CFAP54: variants seen among roughly 807,000 people sequenced by gnomAD.
The protein encoded by CFAP54 is cilia and flagella associated protein 54, also known as cilia- and flagella-associated protein 54.
Under a neutral mutation model 370.4 loss-of-function variants are expected in CFAP54, and 290 were observed. The observed-to-expected ratio is 0.78, with a 90% CI of 0.71 to 0.86. The LOEUF (loss-of-function observed/expected upper bound fraction) is 0.86, where lower values mean the gene tolerates loss of function less well. CFAP54 is among the 40% of genes least tolerant of loss of function. The pLI is 0.00. For synonymous variants in CFAP54, 1,206 were observed against 1,236.5 expected (o/e 0.98, Z 0.52); for missense variants, 3,399 against 3,528.7 (o/e 0.96, Z 0.93).
chr12:96,520,858 C>G (rs1832683143), intron 6 of CFAP54, among the ~76,000 whole-genome samples: 1 of 152,234 alleles, frequency 6.6e-6, no homozygotes, highest in African/African-American at 2.4e-5. Flanking sequence ...GGCCAATTCA[C>G]AATTCCATTT....
intron 9 of CFAP54, among the ~76,000 whole-genome samples, chr12:96,528,953 A>C (rs1301285511): frequency 6.6e-6 from 1 of 152,162 alleles, no homozygotes; most frequent in African/African-American, 2.4e-5. Flanking sequence ...ATGTATCTGA[A>C]GTTTTGATAT....
In CFAP54 at chr12:96,538,465, A is replaced by G; in HGVS notation, c.1873A>G (p.Asn625Asp). 1 of 1,536,162 alleles carries G rather than the reference A, an allele frequency of 6.5e-7. No homozygotes were observed. The highest frequency in any genetic ancestry group is 8.7e-7 in the Non-Finnish European group (1 of 1,146,832). Residue 625 changes from asparagine to aspartate, a missense_variant, in exon 13 of 68, where the codon AAT becomes GAT. Transcript: ENST00000524981. ...ATGCAAATTAGGAATTCAGCGGCTCAATATATCCAGAAATGACTATGCAAA... is the reference window on the plus strand; with the variant it reads ...ATGCAAATTAGGAATTCAGCGGCTCGATATATCCAGAAATGACTATGCAAA... ...QKCKLGIQRLNISRNDYAKFT... is the reference protein window; with the variant it reads ...QKCKLGIQRLDISRNDYAKFT...
chr12:96,539,531 T>C (rs1489157253), intron 13 of CFAP54, among the ~76,000 whole-genome samples: 4 of 151,704 alleles, frequency 2.6e-5, no homozygotes, highest in African/African-American at 7.3e-5. Flanking sequence ...AAAAATTAGC[T>C]GGACATGGTG....
chr12:96,590,184 A>G (rs1217258524), intron 23 of CFAP54, among the ~76,000 whole-genome samples: 1 of 152,224 alleles, frequency 6.6e-6, no homozygotes, highest in African/African-American at 2.4e-5. Flanking sequence ...CTTTTATACC[A>G]GGGAAAGGTC....
chr12:96,814,925 G>T (rs548092959), intron 64 of CFAP54, among the ~76,000 whole-genome samples: 1 of 152,252 alleles, frequency 6.6e-6, no homozygotes, highest in African/African-American at 2.4e-5. Context: ...GTGGTGTTAT[G>T]TGCCATTTTT....
chr12:96,557,234 C>T (rs1955763425), intron 17 of CFAP54, among the ~76,000 whole-genome samples: 1 of 152,106 alleles, frequency 6.6e-6, no homozygotes, highest in Non-Finnish European at 1.5e-5. Context: ...CTCATGCCAT[C>T]TCTTTGTCTA....
chr12:96,617,989 C>CA (rs3055732), intron 26 of CFAP54, among the ~76,000 whole-genome samples: 1,554 of 117,130 alleles, frequency 0.013, 42 homozygotes, highest in African/African-American at 0.048. Flanking sequence ...GACTTTGTCT[C>CA]AAAAAAAAAA....
At chr12:96,603,594 A>G (rs755769504) in intron 26 of CFAP54, among the ~76,000 whole-genome samples, 11 of 152,234 alleles carry the variant, frequency 7.2e-5, no homozygotes, top group South Asian at 2.1e-4. Flanking sequence ...AGGTACACCA[A>G]TCAGACGTAG....
chr12:96,679,797 T>C, intron 40 of CFAP54, 45 bp downstream of exon 40: 1 of 1,587,640 alleles, frequency 6.3e-7, no homozygotes, highest in Non-Finnish European at 8.6e-7. Context: ...TTATGTGGGG[T>C]GACCACCCTG....
At chr12:96,591,877 C>T (rs1469341497) in intron 23 of CFAP54, among the ~76,000 whole-genome samples, 6 of 140,602 alleles carry the variant, frequency 4.3e-5, no homozygotes, top group South Asian at 2.2e-4. Flanking sequence ...GGCGACAGAG[C>T]GAAACTCCGT....
intron 8 of CFAP54, among the ~76,000 whole-genome samples, chr12:96,522,589 C>G (rs558021783): frequency 1.3e-5 from 2 of 152,304 alleles, no homozygotes; most frequent in South Asian, 4.2e-4. Context: ...TCTCATCAGC[C>G]TTAGGTTTCA....
Position 96,554,784 on chromosome 12 carries a change from C to T in CFAP54, c.2392C>T (p.Leu798Phe). 1 of 1,533,912 alleles carries T rather than the reference C, an allele frequency of 6.5e-7. No homozygotes were observed. The highest frequency in any genetic ancestry group is 8.7e-7 in the Non-Finnish European group (1 of 1,145,558). ...AGCTCAGCATCGAATAGCTGTTGTG[C>T]TTCTGGACAAATTGCAAGGTAGTAG... ...IQAQHRIAVV[L>F]LDKLQVLQTP... The change falls in exon 17 of 68, where the codon CTT becomes TTT. Residue 798 changes from leucine (L) to phenylalanine (F), a missense_variant. Transcript: ENST00000524981.
chr12:96,678,591 T>C (rs2136545769), intron 39 of CFAP54, among the ~76,000 whole-genome samples: 1 of 152,292 alleles, frequency 6.6e-6, no homozygotes, highest in South Asian at 2.1e-4. Context: ...TAGAGCCACT[T>C]GTCTCTTTTG....
chr12:96,761,066 AT>A (rs1023974502), intron 58 of CFAP54, among the ~76,000 whole-genome samples: 7 of 152,188 alleles, frequency 4.6e-5, no homozygotes, highest in African/African-American at 1.7e-4. Flanking sequence ...TGGCTCTACC[AT>A]TTTACATCCT....
intron 65 of CFAP54, among the ~76,000 whole-genome samples, chr12:96,826,751 T>G (rs1258581185): frequency 8.9e-6 from 1 of 112,414 alleles, no homozygotes; most frequent in East Asian, 2.4e-4. Context: ...AATTCTTATA[T>G]AATACATATT....
At position 96,658,254 on chromosome 12, in the gene CFAP54, C is replaced by G; in HGVS notation, c.5368C>G (p.Gln1790Glu). 1 of 1,614,054 alleles carries G rather than the reference C, an allele frequency of 6.2e-7. No individual in the cohort carries two copies. The highest frequency in any genetic ancestry group is 8.5e-7 in the Non-Finnish European group (1 of 1,179,938). Residue 1790 changes from glutamine (Q) to glutamate (E), a missense_variant, in exon 38 of 68, where the codon CAG (glutamine) becomes GAG (glutamate). By Grantham distance (29) the Gln-to-Glu change is conservative (BLOSUM62 2). This residue lies in a region of CFAP54 where 2,796 missense variants were observed against 2,869.7 expected (regional missense o/e 0.97). Coordinates refer to ENST00000524981, the MANE Select transcript of CFAP54 (RefSeq NM_001306084.2). ...AGTGACACCACTTCTGGTGTATGCA[C>G]AGCGCCAGCTTCTGCTGAGAATACA... ...EQVTPLLVYA[Q>E]RQLLLRIQKF... is the part of the protein sequence containing the mutation.
At chr12:96,670,715 A>G (rs1565936750) in intron 39 of CFAP54, among the ~76,000 whole-genome samples, 1 of 152,192 alleles carries the variant, frequency 6.6e-6, no homozygotes, top group African/African-American at 2.4e-5. Flanking sequence ...AGACAGTGCT[A>G]AGGAAAAGGA....
chr12:96,820,734 A>G (rs576509323), intron 65 of CFAP54, among the ~76,000 whole-genome samples: 6 of 152,210 alleles, frequency 3.9e-5, no homozygotes, highest in Non-Finnish European at 8.8e-5. Context: ...GGCTATAACT[A>G]TAGATATAGG....
At chr12:96,631,690 T>G (rs1460794055) in intron 32 of CFAP54, among the ~76,000 whole-genome samples, 1 of 149,392 alleles carries the variant, frequency 6.7e-6, no homozygotes, top group African/African-American at 2.4e-5. Flanking sequence ...TAATTTAACA[T>G]GCATAAACAA....
Sources: allele counts gnomAD v4.1 joint callset (sites outside exome capture counted in the v4.1 genomes callset), GRCh38; gene constraint gnomAD v4.1.1; regional missense constraint gnomAD v4.1.1; transcripts MANE v1.5; gene names NCBI Gene and HGNC (gene_info 2026-07-23, HGNC 2026-07-21).